The following EDEM1 variants were observed in gnomAD, a reference collection of about 807,000 sequenced individuals.
The protein encoded by EDEM1 is ER degradation enhancing alpha-mannosidase like protein 1.
In EDEM1, 67 loss-of-function variants were observed where a neutral mutation model predicts 74.4. That is an observed-to-expected ratio of 0.90 (90% CI 0.74 to 1.10). The LOEUF is 1.10. Ranked by LOEUF, EDEM1 falls within the 50% of genes least tolerant of loss-of-function variation. The probability of loss-of-function intolerance (pLI) is 0.00; values close to 1 mark genes in which losing one functional copy is unlikely to be tolerated. For missense variants in EDEM1, 926 were observed against 851.6 expected, an observed-to-expected ratio of 1.09 and a Z score of -1.09; for synonymous variants, 382 against 335.9, an observed-to-expected ratio of 1.14 and a Z score of -1.50.
At chr3:5,190,843 C>T (rs2054893814) in intron 1 of EDEM1, among the ~76,000 whole-genome samples, 1 of 152,080 alleles carries the variant, frequency 6.6e-6, no homozygotes, top group Non-Finnish European at 1.5e-5. Flanking sequence ...CTTCCTTTAA[C>T]TCCTCTCAGG....
At chr3:5,208,301 C>T (rs761944774) in intron 8 of EDEM1, 38 bp downstream of exon 8, 1 of 1,585,958 alleles carries the variant, frequency 6.3e-7, no homozygotes, top group Non-Finnish European at 8.5e-7. Flanking sequence ...CCTTTCACTG[C>T]CTCCCCTGAC....
In EDEM1 at chr3:5,213,211, A is replaced by G. The variant is rs546668559; in HGVS notation, c.1681-108A>G. The G allele has an allele frequency of 2.0e-4, 219 of 1,105,260 alleles. 4 individuals are homozygous for G. In the South Asian group the frequency reaches 3.4e-3, roughly 17 times the overall value. The allele number at this position is 1,105,260 out of a possible 1,614,324, so 68.5% of individuals were successfully genotyped here. The stretch of plus-strand genomic sequence containing the variant: ...TTTCACCCAGTTGTCACTGAGAAGC[A>G]TGAGGCCCAAGCAAATTCTACTCCC... On this transcript the variant is annotated intron_variant, in intron 10 of 11. Coordinates refer to ENST00000256497, the MANE Select transcript of EDEM1 (RefSeq NM_014674.3).
chr3:5,207,974 C>T (rs1172440261), intron 7 of EDEM1, 119 bp from the exon 8 acceptor site: 11 of 1,249,700 alleles, frequency 8.8e-6, no homozygotes, highest in East Asian at 7.6e-5. Flanking sequence ...TGTCTTTAAC[C>T]GTATGTGTAG....
chr3:5,210,344 G>C, intron 9 of EDEM1, 96 bp downstream of exon 9: 1 of 1,167,694 alleles, frequency 8.6e-7, no homozygotes, highest in African/African-American at 1.5e-5. Context: ...TTAATTTATA[G>C]AACCAGGTCA....
chr3:5,189,087 T>G (rs2054868841), intron 1 of EDEM1, among the ~76,000 whole-genome samples: 1 of 152,218 alleles, frequency 6.6e-6, no homozygotes, highest in Non-Finnish European at 1.5e-5. Flanking sequence ...TTGCAAAGGC[T>G]GAGCTCCAAG....
intron 11 of EDEM1, among the ~76,000 whole-genome samples, chr3:5,215,263 G>A (rs1282824608): frequency 6.7e-6 from 1 of 148,778 alleles, no homozygotes; most frequent in Non-Finnish European, 1.5e-5. Context: ...TTCTCAAGAT[G>A]TGCATCTGCT....
In EDEM1 at chr3:5,219,882, T is replaced by A. The variant is rs2055292757; in HGVS notation, c.*3964T>A. 1 of 152,666 alleles carries A rather than the reference T, an allele frequency of 6.6e-6. No homozygotes were observed. Among genetic ancestry groups the A allele is most frequent in the African/African-American group, 2.4e-5 (1 of 41,468 alleles). 9.5% of individuals were successfully genotyped at this position (152,666 alleles called of 1,614,324 possible). A position where few individuals can be genotyped will look rare whatever the true frequency, so the allele number is the denominator to read the frequency against. On this transcript the variant is annotated 3_prime_UTR_variant, in exon 12 of 12. Transcript: ENST00000256497. Reference sequence around the variant, plus strand: ...AGGACCAAATGTTCTTTTATAAATGTAATAAGGAATATCTTGCTCTTTAAA... The same window carrying A: ...AGGACCAAATGTTCTTTTATAAATGAAATAAGGAATATCTTGCTCTTTAAA...
At position 5,219,291 on chromosome 3, in the gene EDEM1, A is replaced by C. The variant is rs544557169; in HGVS notation, c.*3373A>C. On this transcript the variant is annotated 3_prime_UTR_variant, in exon 12 of 12. Coordinates refer to ENST00000256497, the MANE Select transcript of EDEM1 (RefSeq NM_014674.3). The stretch of plus-strand genomic sequence containing the variant: ...TGACAAAAACAAAAATCTTTTTTCA[A>C]ATGTAGTGCTGGTGAAAAGGTAGGG... 6.6e-6 allele frequency: 1 copy of C among 152,130 alleles called. No individual in the cohort carries two copies. Among genetic ancestry groups the C allele is most frequent in the Non-Finnish European group, 1.5e-5 (1 of 68,006 alleles). 9.4% of individuals were successfully genotyped at this position (152,130 alleles called of 1,614,324 possible).
At chr3:5,209,085 T>G (rs1295980321) in intron 8 of EDEM1, among the ~76,000 whole-genome samples, 1 of 152,110 alleles carries the variant, frequency 6.6e-6, no homozygotes, top group Non-Finnish European at 1.5e-5. Flanking sequence ...GTGGGGAGTT[T>G]TAGAAACTCT....
intron 10 of EDEM1, chr3:5,211,462 C>G (rs1468803368): frequency 2.3e-6 from 1 of 439,774 alleles, no homozygotes; most frequent in Non-Finnish European, 4.3e-6. Context: ...GTGGGAAATC[C>G]TGGTAACGAT....
chr3:5,205,033 G>A (rs2055077770), intron 5 of EDEM1, 34 bp from the exon 6 acceptor site: 1 of 1,608,746 alleles, frequency 6.2e-7, no homozygotes, highest in African/African-American at 1.3e-5. Context: ...CGATGAGACA[G>A]CTGGGACCTC....
At chr3:5,200,151 C>A (rs148879047) in intron 3 of EDEM1, among the ~76,000 whole-genome samples, 19 of 152,098 alleles carry the variant, frequency 1.2e-4, no homozygotes, top group African/African-American at 4.6e-4. Flanking sequence ...AGGCTGGTCT[C>A]GAACTCCTGA....
At chr3:5,211,259 T>G in intron 10 of EDEM1, 43 bp downstream of exon 10, 4 of 1,575,092 alleles carry the variant, frequency 2.5e-6, no homozygotes, top group Non-Finnish European at 3.5e-6. Flanking sequence ...TTAGTATTGC[T>G]TAGAGCAAGC....
At chr3:5,211,376 C>A in intron 10 of EDEM1, 160 bp downstream of exon 10, 1 of 655,246 alleles carries the variant, frequency 1.5e-6, no homozygotes, top group Non-Finnish European at 2.6e-6. Flanking sequence ...ATATTACTAT[C>A]TTCTTTCATG....
intron 11 of EDEM1, 36 bp from the exon 12 acceptor site, chr3:5,215,793 T>A: frequency 1.3e-6 from 2 of 1,569,394 alleles, no homozygotes; most frequent in South Asian, 1.1e-5. Context: ...GAGCAACATA[T>A]GAGTTTTTAA....
rs749825635 is a variant in EDEM1, at chr3:5,203,134, G to A, written c.1027G>A (p.Asp343Asn). The part of the protein sequence containing the change: ...VKALWNLRSN[D>N]TGLLGNVVNI... ...AGCCCTTTGGAACCTCCGGAGCAAT[G>A]ATACAGGATTACTAGGTGTGGCACC... Residue 343 changes from aspartate to asparagine, a missense_variant, in exon 5 of 12, where the codon GAT becomes AAT. Physicochemically the swap from Asp to Asn is conservative, Grantham distance 23. Transcript: ENST00000256497. 1 of 1,587,056 alleles carries A rather than the reference G, an allele frequency of 6.3e-7. No homozygotes were observed. Among genetic ancestry groups the A allele is most frequent in the South Asian group, 1.2e-5 (1 of 86,450 alleles).
intron 3 of EDEM1, among the ~76,000 whole-genome samples, chr3:5,200,328 G>A (rs941456286): frequency 2.6e-5 from 4 of 152,052 alleles, no homozygotes; most frequent in African/African-American, 7.2e-5. Flanking sequence ...TTCTTTCACC[G>A]TGTCCTAGGA....
intron 4 of EDEM1, among the ~76,000 whole-genome samples, chr3:5,202,340 C>T (rs929009871): frequency 6.6e-6 from 1 of 152,198 alleles, no homozygotes; most frequent in South Asian, 2.1e-4. Flanking sequence ...CAATGCTTCA[C>T]GTGGATCTTT....
intron 6 of EDEM1, among the ~76,000 whole-genome samples, chr3:5,206,396 T>TGGG (rs1159724950): frequency 6.6e-6 from 1 of 151,984 alleles, no homozygotes; most frequent in Admixed American, 6.6e-5. Flanking sequence ...TTAGTAGAGA[T>TGGG]GGGGTTTCAC....
Sources: gnomAD v4.1 joint callset for allele counts (sites outside exome capture counted in the v4.1 genomes callset) on GRCh38, gnomAD v4.1.1 for gene constraint, MANE v1.5 for transcripts, NCBI Gene and HGNC (gene_info 2026-07-23, HGNC 2026-07-21) for gene names.